Variants in CUL1 observed in about 807,000 individuals in gnomAD.
CUL1 encodes cullin 1.
CUL1 carries 24 observed loss-of-function variants against 118.0 expected under a neutral mutation model. That is an observed-to-expected ratio of 0.20 (90% confidence interval 0.15 to 0.29). The LOEUF (loss-of-function observed/expected upper bound fraction) is 0.29, where lower values mean the gene tolerates loss of function less well. Ranked by LOEUF, CUL1 falls within the 10% of genes least tolerant of loss-of-function variation. The pLI is 1.00. For synonymous variants in CUL1, 332 were observed against 340.4 expected, an observed-to-expected ratio of 0.98 and a Z score of 0.27; for missense variants, 361 against 933.8, an observed-to-expected ratio of 0.39 and a Z score of 7.99.
chr7:148,725,688 G>C (rs1798557136), intron 1 of CUL1, among the ~76,000 whole-genome samples: 1 of 152,214 alleles, frequency 6.6e-6, no homozygotes, highest in Admixed American at 6.5e-5. Context: ...CCCAGCATGT[G>C]TGTGACCTAT....
chr7:148,781,324 G>T (rs1413296950), intron 9 of CUL1, among the ~76,000 whole-genome samples: 1 of 151,948 alleles, frequency 6.6e-6, no homozygotes, highest in African/African-American at 2.4e-5. Context: ...GTCATGATCT[G>T]CCCGCCTACG....
intron 2 of CUL1, among the ~76,000 whole-genome samples, chr7:148,749,276 G>A (rs1248409073): frequency 6.6e-6 from 1 of 151,780 alleles, no homozygotes; most frequent in African/African-American, 2.4e-5. Context: ...AATTAGCTGG[G>A]CGTGGTGATG....
In CUL1 at chr7:148,776,234, A is replaced by G. The variant is rs554671991; in HGVS notation, c.1084-7549A>G. ...GATGCCTCCTGTCCAGGACGCCATG[A>G]GACGAAGAGAATAATCATTTTCCCT... On this transcript the variant is annotated intron_variant, in intron 9 of 21. Coordinates refer to ENST00000325222, the MANE Select transcript of CUL1 (RefSeq NM_003592.3). 2.7e-5 allele frequency among the ~76,000 whole-genome samples: 4 copies of G among 149,618 alleles called. No homozygotes were observed. The East Asian group carries it at 8.2e-4, about 31-fold the overall frequency.
At chr7:148,699,982 A>C (rs1797669553) in intron 1 of CUL1, among the ~76,000 whole-genome samples, 1 of 152,102 alleles carries the variant, frequency 6.6e-6, no homozygotes, top group Admixed American at 6.5e-5. Context: ...CGCAGACATA[A>C]GATAAGAAAG....
At chr7:148,785,095 A>G (rs1200151650) in intron 11 of CUL1, among the ~76,000 whole-genome samples, 1 of 152,248 alleles carries the variant, frequency 6.6e-6, no homozygotes, top group Non-Finnish European at 1.5e-5. Flanking sequence ...ATGAAGGTCA[A>G]TAGCTTTCTC....
chr7:148,790,612 C>A (rs1422935151), intron 16 of CUL1, among the ~76,000 whole-genome samples, 171 bp downstream of exon 16: 2 of 152,188 alleles, frequency 1.3e-5, no homozygotes, highest in African/African-American at 2.4e-5. Flanking sequence ...AATTCCAATT[C>A]TTTCTGGCTG....
At chr7:148,773,514 A>G (rs1215156239) in intron 9 of CUL1, among the ~76,000 whole-genome samples, 1 of 152,124 alleles carries the variant, frequency 6.6e-6, no homozygotes, top group Non-Finnish European at 1.5e-5. Flanking sequence ...AGCCCTTGAG[A>G]GCGAAGCTCA....
intron 1 of CUL1, among the ~76,000 whole-genome samples, chr7:148,725,024 A>G (rs112055969): frequency 0.033 from 4,963 of 152,180 alleles, 227 homozygotes; most frequent in African/African-American, 0.1. Context: ...ATTATAAGAT[A>G]TGGATATATA....
chr7:148,725,308 G>C (rs2129459460), intron 1 of CUL1, among the ~76,000 whole-genome samples: 1 of 152,204 alleles, frequency 6.6e-6, no homozygotes, highest in Admixed American at 6.5e-5. Context: ...ATTGGAGCAG[G>C]CTGGTAGATA....
At chr7:148,699,432 C>T (rs2129458662) in intron 1 of CUL1, among the ~76,000 whole-genome samples, 1 of 152,192 alleles carries the variant, frequency 6.6e-6, no homozygotes, top group East Asian at 1.9e-4. Context: ...GGCGTCCGCG[C>T]CTCGCCTGGT....
intron 8 of CUL1, 78 bp downstream of exon 8, chr7:148,766,801 G>C (rs893144276): frequency 4.8e-6 from 6 of 1,243,548 alleles, no homozygotes; most frequent in Non-Finnish European, 6.8e-6. Flanking sequence ...CTAGACTCTC[G>C]AGTCAACGGC....
intron 3 of CUL1, 151 bp from the exon 4 acceptor site, chr7:148,756,832 T>G (rs1220506085): frequency 2.3e-6 from 1 of 433,920 alleles, no homozygotes; most frequent in East Asian, 3.5e-5. Flanking sequence ...TTATATATAT[T>G]AGCATGTTTT....
chr7:148,704,688 A>C (rs1797828282), intron 1 of CUL1, among the ~76,000 whole-genome samples: 2 of 152,234 alleles, frequency 1.3e-5, no homozygotes. Flanking sequence ...CAACATATGT[A>C]AGTAATAGCT....
intron 1 of CUL1, among the ~76,000 whole-genome samples, chr7:148,717,928 C>T (rs1259534257): frequency 6.6e-6 from 1 of 152,342 alleles, no homozygotes; most frequent in East Asian, 1.9e-4. Context: ...GACATCTCTT[C>T]CAATACCTGC....
intron 16 of CUL1, among the ~76,000 whole-genome samples, chr7:148,792,169 G>A (rs976054077): frequency 5.6e-5 from 8 of 143,020 alleles, no homozygotes; most frequent in Non-Finnish European, 1.2e-4. Flanking sequence ...CTGGGTGACA[G>A]AGCAAGACTT....
At chr7:148,740,883 G>A (rs1799118988) in intron 2 of CUL1, among the ~76,000 whole-genome samples, 3 of 152,174 alleles carry the variant, frequency 2.0e-5, no homozygotes, top group Non-Finnish European at 4.4e-5. Flanking sequence ...GCCCTCACCA[G>A]AAACCAACCC....
chr7:148,799,420 T>G (rs777416841), intron 21 of CUL1, 32 bp downstream of exon 21: 2 of 1,404,278 alleles, frequency 1.4e-6, no homozygotes, highest in African/African-American at 2.8e-5. Context: ...TCACATTCCT[T>G]TCTTAATTTA....
At chr7:148,738,882 C>T (rs566236463) in intron 2 of CUL1, among the ~76,000 whole-genome samples, 12 of 152,140 alleles carry the variant, frequency 7.9e-5, no homozygotes, top group African/African-American at 2.9e-4. Context: ...CGTTTTTCTA[C>T]TCTTCTAAAG....
At chr7:148,777,015 G>A (rs1342945164) in intron 9 of CUL1, among the ~76,000 whole-genome samples, 1 of 152,206 alleles carries the variant, frequency 6.6e-6, no homozygotes, top group Non-Finnish European at 1.5e-5. Context: ...ATTTTCGTCT[G>A]TAAACACTCA....
Sources: allele counts gnomAD v4.1 joint callset (sites outside exome capture counted in the v4.1 genomes callset), GRCh38; gene constraint gnomAD v4.1.1; transcripts MANE v1.5; gene names NCBI Gene and HGNC (gene_info 2026-07-23, HGNC 2026-07-21).